SCN3A: variants seen among roughly 807,000 people sequenced by gnomAD.
SCN3A encodes sodium voltage-gated channel alpha subunit 3.
Under a neutral mutation model 187.6 loss-of-function variants are expected in SCN3A, and 60 were observed. The ratio of observed to expected loss-of-function variants is 0.32; its 90% CI spans 0.26 to 0.40. SCN3A has a LOEUF of 0.40. Among genes scored for constraint, SCN3A ranks in the 10% least tolerant of loss-of-function variants. The pLI, the probability that SCN3A is intolerant of heterozygous loss-of-function variation, is 1.00. For missense variants in SCN3A, 1,601 were observed against 2,428.2 expected (o/e 0.66, Z 7.16); for synonymous variants, 788 against 829.2 (o/e 0.95, Z 0.85).
intron 18 of SCN3A, among the ~76,000 whole-genome samples, chr2:165,124,106 T>G (rs1399877963): frequency 6.6e-6 from 1 of 152,094 alleles, no homozygotes; most frequent in African/African-American, 2.4e-5. Flanking sequence ...ATTTTGTAAT[T>G]GAAATCTATG....
At chr2:165,195,971 A>G (rs1251360630) in intron 1 of SCN3A, among the ~76,000 whole-genome samples, 1 of 152,124 alleles carries the variant, frequency 6.6e-6, no homozygotes, top group Non-Finnish European at 1.5e-5. Context: ...CCTCAAAAGA[A>G]TCTAGCTAGT....
intron 9 of SCN3A, among the ~76,000 whole-genome samples, chr2:165,161,940 C>G (rs1220042716): frequency 6.6e-6 from 1 of 152,180 alleles, no homozygotes; most frequent in Non-Finnish European, 1.5e-5. Context: ...CACGACAAAA[C>G]TCATCCCATT....
rs370242412 is a variant in SCN3A at position 165,154,682 on chromosome 2, C to T, written c.1174-24G>A. On this transcript the variant is annotated intron_variant, in intron 10 of 27. Transcript: ENST00000283254. ...GTCTAGGGGAAATGGGGGATAATTC[C>T]ATCAGTATTTTAGTATAATGTCCCC... 8 of 1,591,396 alleles carry T rather than the reference C, an allele frequency of 5.0e-6. No homozygotes were observed. In the African/African-American group the frequency reaches 6.7e-5, roughly 13 times the overall value.
At position 165,127,914 on chromosome 2, in the gene SCN3A, A is replaced by G. The variant is rs188214239; in HGVS notation, c.3110T>C (p.Ile1037Thr). 202 of 1,614,080 alleles carry G rather than the reference A, an allele frequency of 1.3e-4. No homozygotes were observed. In the East Asian group the frequency reaches 4.1e-3, roughly 33 times the overall value. Reference sequence around the variant, plus strand: ...TATCTTATTGCCTTCATGGATTTCTATAACTTTTGGCTTTCTAAAAAAGGC... The same window carrying G: ...TATCTTATTGCCTTCATGGATTTCTGTAACTTTTGGCTTTCTAAAAAAGGC... ...QKAFFRKPKV[I>T]EIHEGNKIDS... The change falls in exon 18 of 28, where the codon ATA becomes ACA. Residue 1037 changes from isoleucine (I) to threonine (T), a missense_variant. By Grantham distance (89) the Ile-to-Thr change is moderately conservative. This residue lies in a region of SCN3A where 267 missense variants were observed against 313.2 expected (regional missense o/e 0.85). Coordinates refer to ENST00000283254, the MANE Select transcript of SCN3A (RefSeq NM_006922.4).
At chr2:165,177,889 A>G (rs1690568524) in intron 2 of SCN3A, among the ~76,000 whole-genome samples, 1 of 152,220 alleles carries the variant, frequency 6.6e-6, no homozygotes, top group Admixed American at 6.5e-5. Context: ...ACCAAATAAA[A>G]TAAGTACATC....
At chr2:165,126,753 G>T (rs1177015569) in intron 18 of SCN3A, among the ~76,000 whole-genome samples, 1 of 151,186 alleles carries the variant, frequency 6.6e-6, no homozygotes, top group Non-Finnish European at 1.5e-5. Flanking sequence ...TAGCCCTCAA[G>T]TGAAGCTTTT....
At chr2:165,135,445 G>C (rs1430017771) in intron 15 of SCN3A, among the ~76,000 whole-genome samples, 1 of 151,978 alleles carries the variant, frequency 6.6e-6, no homozygotes, top group Non-Finnish European at 1.5e-5. Context: ...AAAGCAGTAT[G>C]CAATAATTTG....
intron 1 of SCN3A, among the ~76,000 whole-genome samples, chr2:165,201,640 T>C (rs1283679150): frequency 1.3e-5 from 2 of 152,042 alleles, no homozygotes; most frequent in African/African-American, 4.8e-5. Context: ...AAATAACTTG[T>C]CAGGTAATAG....
intron 11 of SCN3A, among the ~76,000 whole-genome samples, chr2:165,148,255 T>A (rs1688472381): frequency 6.6e-6 from 1 of 152,074 alleles, no homozygotes. Flanking sequence ...CTTTGATGCT[T>A]CTGAAGAACT....
At chr2:165,173,741 C>T (rs1690267440) in intron 3 of SCN3A, among the ~76,000 whole-genome samples, 1 of 152,158 alleles carries the variant, frequency 6.6e-6, no homozygotes, top group Non-Finnish European at 1.5e-5. Flanking sequence ...AAAACTTCCT[C>T]CATTAGCTTC....
intron 9 of SCN3A, among the ~76,000 whole-genome samples, chr2:165,157,993 C>T (rs7573017): frequency 0.23 from 34,391 of 151,796 alleles, 5,093 homozygotes; most frequent in East Asian, 0.52. Context: ...TAATTTCTGC[C>T]GCAGTCCTAG....
intron 21 of SCN3A, among the ~76,000 whole-genome samples, chr2:165,106,626 T>A (rs1310881787): frequency 6.6e-6 from 1 of 152,222 alleles, no homozygotes; most frequent in Admixed American, 6.5e-5. Context: ...TAACAGTAGA[T>A]GCTGCATAAG....
chr2:165,134,061 G>T (rs930053019), intron 15 of SCN3A, among the ~76,000 whole-genome samples: 1 of 152,054 alleles, frequency 6.6e-6, no homozygotes, highest in African/African-American at 2.4e-5. Flanking sequence ...CAGAATTAAG[G>T]TTAATGGATT....
At position 165,112,976 on chromosome 2, in the gene SCN3A, A is replaced by C; in HGVS notation, c.3752T>G (p.Phe1251Cys). ...EYADKVFTYI[F>C]ILEMLLKWVA... ...CCATTTGAGAAGCATTTCCAGAATG[A>C]ATATATAGGTAAAGACTTTGTCAGC... Residue 1251 changes from phenylalanine (F) to cysteine (C), a missense_variant, in exon 21 of 28, where the codon TTC becomes TGC. Physicochemically the swap from Phe to Cys is radical, Grantham distance 205. Around this residue, in one of 11 missense-constraint regions of SCN3A, gnomAD observed 267 missense variants for 313.2 expected, o/e 0.85. Transcript: ENST00000283254. The C allele has an allele frequency of 6.2e-7, 1 of 1,613,254 alleles. No homozygotes were observed. The highest frequency in any genetic ancestry group is 8.5e-7 in the Non-Finnish European group (1 of 1,179,488).
At chr2:165,123,770 GA>G (rs1181220889) in intron 18 of SCN3A, among the ~76,000 whole-genome samples, 1 of 152,142 alleles carries the variant, frequency 6.6e-6, no homozygotes, top group East Asian at 1.9e-4. Context: ...GCAGCTTTTG[GA>G]AATTTCAAAT....
intron 1 of SCN3A, among the ~76,000 whole-genome samples, chr2:165,194,292 C>T (rs1047152216): frequency 1.3e-5 from 2 of 152,018 alleles, no homozygotes; most frequent in African/African-American, 4.8e-5. Flanking sequence ...ATTTGTAGTA[C>T]CTCTTTTATC....
At chr2:165,134,909 T>A (rs924871658) in intron 15 of SCN3A, among the ~76,000 whole-genome samples, 4 of 151,970 alleles carry the variant, frequency 2.6e-5, no homozygotes, top group African/African-American at 9.7e-5. Flanking sequence ...AATGACTAGA[T>A]CTCATACCTT....
intron 15 of SCN3A, among the ~76,000 whole-genome samples, chr2:165,134,927 A>G (rs1387247194): frequency 1.3e-5 from 2 of 151,998 alleles, no homozygotes; most frequent in Non-Finnish European, 2.9e-5. Flanking sequence ...CTTTAAAAAC[A>G]TATACCCTAA....
chr2:165,175,479 A>G lies in SCN3A; in HGVS notation c.264+652T>C, dbSNP rs545456300. Among the ~76,000 whole-genome samples, 44 of 152,244 alleles carry G rather than the reference A, an allele frequency of 2.9e-4. No homozygotes were observed. The East Asian group carries it at 6.0e-3, about 21-fold the overall frequency. On this transcript the variant is annotated intron_variant, in intron 3 of 27. Transcript: ENST00000283254. ...ATCATGTATGGATGGAGAAAATTTG[A>G]AAGTTCTTTCTTTTTGGTCTTCCAA...
Sources: gnomAD v4.1 joint callset for allele counts (sites outside exome capture counted in the v4.1 genomes callset) on GRCh38, gnomAD v4.1.1 for gene constraint, gnomAD v4.1.1 regional missense constraint, MANE v1.5 for transcripts, NCBI Gene and HGNC (gene_info 2026-07-23, HGNC 2026-07-21) for gene names.